Variants in UBR4 observed in about 807,000 individuals in gnomAD.
UBR4 encodes the protein ubiquitin protein ligase E3 component n-recognin 4.
Under a neutral mutation model 575.6 loss-of-function variants are expected in UBR4, and 124 were observed. The ratio of observed to expected loss-of-function variants is 0.22; its 90% confidence interval spans 0.19 to 0.25. The LOEUF is 0.25. Ranked by LOEUF, UBR4 falls within the 10% of genes least tolerant of loss-of-function variation. UBR4 has a pLI of 1.00. For missense variants in UBR4, 4,818 were observed against 6,478.8 expected (o/e 0.74, Z 8.80); for synonymous variants, 2,455 against 2,473.7 (o/e 0.99, Z 0.22).
intron 88 of UBR4, 41 bp downstream of exon 88, chr1:19,101,479 T>C (rs777144113): frequency 2.5e-5 from 40 of 1,577,400 alleles, no homozygotes; most frequent in Admixed American, 1.3e-4. Context: ...AAGTGGGCTG[T>C]GCTGACACTC....
Position 19,117,925 on chromosome 1 carries a change from A to T in UBR4, c.10542-15T>A. The T allele has an allele frequency of 6.2e-7, 1 of 1,609,022 alleles. No individual in the cohort carries two copies. The highest frequency in any genetic ancestry group is 8.5e-7 in the Non-Finnish European group (1 of 1,175,416). ...CAGACAAAGTGCTAAGGAAGAAACC[A>T]GTCTTAGCATGAACACATTTTCATC... is the stretch of plus-strand genomic sequence containing the variant. On this transcript the variant is annotated splice_polypyrimidine_tract_variant and intron_variant, in intron 71 of 105. Transcript: ENST00000375254. This position sits in a 1 kb window ranked among gnomAD's most constrained non-coding sequence, Gnocchi z 4.0.
At chr1:19,209,793 G>A (rs563157854) in intron 1 of UBR4, among the ~76,000 whole-genome samples, 1 of 152,310 alleles carries the variant, frequency 6.6e-6, no homozygotes, top group South Asian at 2.1e-4. Flanking sequence ...CCTTAAGAGG[G>A]CGAATGCATC....
chr1:19,155,155 T>C, intron 43 of UBR4, 80 bp from the exon 44 acceptor site: 1 of 1,563,994 alleles, frequency 6.4e-7, no homozygotes, highest in Non-Finnish European at 8.7e-7. Flanking sequence ...GTTATTATTT[T>C]CAATCATGAT....
Position 19,164,827 on chromosome 1 carries a change from G to C in UBR4, c.4483C>G (p.Leu1495Val). The C allele has an allele frequency of 6.2e-7, 1 of 1,614,230 alleles. No individual in the cohort carries two copies. Among genetic ancestry groups the C allele is most frequent in the Non-Finnish European group, 8.5e-7 (1 of 1,180,040 alleles). The change falls in exon 32 of 106, where the codon CTG (leucine) becomes GTG (valine). Residue 1495 changes from leucine (L) to valine (V), a missense_variant. Physicochemically the swap from Leu to Val is conservative, Grantham distance 32. This residue lies in a region of UBR4 where 1,172 missense variants were observed against 1,259.7 expected (regional missense o/e 0.93). Coordinates refer to ENST00000375254, the MANE Select transcript of UBR4 (RefSeq NM_020765.3). Reference sequence around the variant, plus strand: ...TTTTCCCGAACAATGTATGTGGTCAGTAACTGCAGCAGCTGCCGGTTCTCC... The same window carrying C: ...TTTTCCCGAACAATGTATGTGGTCACTAACTGCAGCAGCTGCCGGTTCTCC... ...IQENRQLLQL[L>V]TTYIVRENSQ...
chr1:19,188,989 T>A (rs1006761821), intron 11 of UBR4, among the ~76,000 whole-genome samples: 2 of 151,158 alleles, frequency 1.3e-5, no homozygotes, highest in Non-Finnish European at 2.9e-5. Context: ...AATAAAAAAA[T>A]TAAAAAGAAA....
At chr1:19,111,656 T>G in intron 78 of UBR4, 1 of 150,750 alleles carries the variant, frequency 6.6e-6, no homozygotes, top group Non-Finnish European at 1.5e-5. Context: ...GAGTCTCGCT[T>G]GTTGCCCAGG....
rs756865782 is a variant in UBR4, at chr1:19,167,064, G to C, written c.4067C>G (p.Thr1356Ser). ...FLARVYEKLITGCYNILANHA... is the reference protein window; with the variant it reads ...FLARVYEKLISGCYNILANHA... ...ATTGGCCAGAATGTTGTAACAACCA[G>C]TGATCAGCTTCTCATAAACACGAGC... Residue 1356 changes from threonine (T) to serine (S), a missense_variant, in exon 29 of 106, where the codon ACT becomes AGT. By Grantham distance (58) the Thr-to-Ser change is moderately conservative (BLOSUM62 1). This residue lies in a region of UBR4 where 1,172 missense variants were observed against 1,259.7 expected (regional missense o/e 0.93). Coordinates refer to ENST00000375254, the MANE Select transcript of UBR4 (RefSeq NM_020765.3). The C allele has an allele frequency of 1.2e-6, 2 of 1,614,220 alleles. No individual in the cohort carries two copies. Among genetic ancestry groups the C allele is most frequent in the South Asian group, 2.2e-5 (2 of 91,090 alleles).
rs1265567066 is a variant in UBR4, at chr1:19,195,709, G to A, written c.1018+1432C>T. On this transcript the variant is annotated intron_variant, in intron 8 of 105. Transcript: ENST00000375254. The stretch of plus-strand genomic sequence containing the variant: ...GCCCTAGCTGAGGCCCTAAATGTAC[G>A]CTGCCTGAATGACTGCCAATTCCTC... Among the ~76,000 whole-genome samples the A allele has an allele frequency of 4.6e-5, 7 of 151,998 alleles. No individual in the cohort carries two copies. The East Asian group carries it at 7.7e-4, about 17-fold the overall frequency.
chr1:19,092,971 G>A, intron 96 of UBR4, 53 bp from the exon 97 acceptor site: 1 of 1,521,056 alleles, frequency 6.6e-7, no homozygotes, highest in African/African-American at 1.4e-5. Context: ...AGGCTACCTA[G>A]AAACCAGTTG....
chr1:19,174,864 A>G (rs2090050408), intron 21 of UBR4, 90 bp downstream of exon 21: 5 of 1,195,176 alleles, frequency 4.2e-6, no homozygotes, highest in Non-Finnish European at 4.8e-6. Flanking sequence ...TCACTATAAA[A>G]AGTCAGTCAT....
chr1:19,147,141 C>A, intron 51 of UBR4, 141 bp from the exon 52 acceptor site: 1 of 806,792 alleles, frequency 1.2e-6, no homozygotes, highest in Non-Finnish European at 1.8e-6. Flanking sequence ...TCACCTACAA[C>A]AGATCTTCAA....
Position 19,114,962 on chromosome 1 carries a change from A to G in UBR4, c.11064-13T>C, listed in dbSNP as rs756804226. The G allele has an allele frequency of 1.2e-6, 2 of 1,614,136 alleles. No individual in the cohort carries two copies. Among genetic ancestry groups the G allele is most frequent in the South Asian group, 2.2e-5 (2 of 91,082 alleles). On this transcript the variant is annotated splice_polypyrimidine_tract_variant and intron_variant, in intron 74 of 105. Transcript: ENST00000375254. ...GTAGTTGATGGATCTGAGTAACCAA[A>G]GCGTTTGGGTCAGTAAGGTGACAAG...
At chr1:19,171,118 A>G (rs955795429) in intron 25 of UBR4, among the ~76,000 whole-genome samples, 1 of 152,206 alleles carries the variant, frequency 6.6e-6, no homozygotes, top group Non-Finnish European at 1.5e-5. Flanking sequence ...TAAGCCTGAG[A>G]AACAGTGAAT....
chr1:19,178,728 A>G (rs2090556102), intron 18 of UBR4, among the ~76,000 whole-genome samples: 1 of 152,242 alleles, frequency 6.6e-6, no homozygotes, highest in Non-Finnish European at 1.5e-5. Flanking sequence ...TGTTGAAAGC[A>G]AAATAACCAA....
rs1571355251 is a variant in UBR4 at position 19,167,032 on chromosome 1, C to G, written c.4099G>C (p.Asp1367His). Reference sequence around the variant, plus strand: ...CTCCATCAGGCTCACCTGTTAGGATCTGCATGATTGGCCAGAATGTTGTAA... The same window carrying G: ...CTCCATCAGGCTCACCTGTTAGGATGTGCATGATTGGCCAGAATGTTGTAA... Reference protein sequence around the residue: ...GCYNILANHADPNSGLDESIL... With the variant: ...GCYNILANHAHPNSGLDESIL... Residue 1367 changes from aspartate (D) to histidine (H), a missense_variant, in exon 29 of 106, where the codon GAT becomes CAT. This residue lies in a region of UBR4 where 1,172 missense variants were observed against 1,259.7 expected (regional missense o/e 0.93). Transcript: ENST00000375254. 6.2e-7 allele frequency: 1 copy of G among 1,614,216 alleles called. No homozygotes were observed. The highest frequency in any genetic ancestry group is 2.2e-5 in the East Asian group (1 of 44,894).
intron 103 of UBR4, chr1:19,079,210 G>A (rs1175709894): frequency 1.3e-5 from 2 of 152,220 alleles, no homozygotes; most frequent in Admixed American, 6.5e-5. Context: ...TGCCTAGCAT[G>A]AGACAGGCTA....
In UBR4 at chr1:19,093,987, G is replaced by A. The variant is rs2077782987; in HGVS notation, c.13899C>T (p.Ile4633=). ...LSFGEVEKMQ[I]LVERFKPYCN... ...AGTATGGTTTGAATCGCTCCACCAA[G>A]ATCTGCATTTTCTCCACCTCTCCAA... is the stretch of plus-strand genomic sequence containing the variant. Residue 4633 remains isoleucine (I), a synonymous_variant, in exon 95 of 106, where the codon ATC becomes ATT. Transcript: ENST00000375254. This position sits in a 1 kb window ranked among gnomAD's most constrained non-coding sequence, Gnocchi z 4.8. 2.5e-6 allele frequency: 4 copies of A among 1,613,986 alleles called. No homozygotes were observed. The highest frequency in any genetic ancestry group is 3.4e-6 in the Non-Finnish European group (4 of 1,180,012).
chr1:19,093,327 G>T lies in UBR4; in HGVS notation c.14097C>A (p.Ile4699=). The T allele has an allele frequency of 6.2e-7, 1 of 1,613,834 alleles. No homozygotes were observed. Among genetic ancestry groups the T allele is most frequent in the Non-Finnish European group, 8.5e-7 (1 of 1,180,016 alleles). ...GGGCTTCATACTTCTTGGCGCTAGG[G>T]ATGTGCTTTTTCATGTAGTCAAGTG... ...QNALDYMKKH[I]PSAKNLDADI... is the part of the protein sequence containing the mutation. The change falls in exon 96 of 106, where the codon ATC becomes ATA. Residue 4699 remains isoleucine, a synonymous_variant. Coordinates refer to ENST00000375254, the MANE Select transcript of UBR4 (RefSeq NM_020765.3). The surrounding 1 kb of genome is among the most constrained non-coding windows in gnomAD (Gnocchi z 4.8).
Position 19,173,595 on chromosome 1 carries a change from G to T in UBR4, c.3009C>A (p.Phe1003Leu). Residue 1003 changes from phenylalanine to leucine, a missense_variant, in exon 23 of 106, where the codon TTC (phenylalanine) becomes TTA (leucine). Around this residue, in one of 29 missense-constraint regions of UBR4, gnomAD observed 1,172 missense variants for 1,259.7 expected, o/e 0.93. Coordinates refer to ENST00000375254, the MANE Select transcript of UBR4 (RefSeq NM_020765.3). The stretch of plus-strand genomic sequence containing the variant: ...TTCCTAGGATCCTCCACAGTATCAA[G>T]AAGTAATATTGAAGGGCACAGGCCT... The part of the protein sequence containing the change: ...ALEACALQYY[F>L]LILWRILGIL... The T allele has an allele frequency of 6.2e-7, 1 of 1,614,122 alleles. No individual in the cohort carries two copies. The highest frequency in any genetic ancestry group is 8.5e-7 in the Non-Finnish European group (1 of 1,179,996).
Sources: gnomAD v4.1 joint callset for allele counts (sites outside exome capture counted in the v4.1 genomes callset) on GRCh38, gnomAD v4.1.1 for gene constraint, gnomAD v4.1.1 regional missense constraint, Gnocchi (gnomAD v3.1) non-coding constraint, MANE v1.5 for transcripts, NCBI Gene and HGNC (gene_info 2026-07-23, HGNC 2026-07-21) for gene names.